Variants in DOCK2 observed in about 807,000 individuals in gnomAD.
DOCK2 encodes the protein dedicator of cytokinesis 2.
A neutral mutation model predicts 248.9 loss-of-function variants in DOCK2; 87 were observed. The ratio of observed to expected loss-of-function variants is 0.35; its 90% confidence interval spans 0.29 to 0.42. DOCK2 has a LOEUF of 0.42. Among genes scored for constraint, DOCK2 ranks in the 10% least tolerant of loss-of-function variants. The pLI, the probability that DOCK2 is intolerant of heterozygous loss-of-function variation, is 1.00. For synonymous variants in DOCK2, 805 were observed against 821.6 expected, an observed-to-expected ratio of 0.98 and a Z score of 0.35; for missense variants, 1,747 against 2,300.2, an observed-to-expected ratio of 0.76 and a Z score of 4.92.
At chr5:170,075,868 C>A in intron 46 of DOCK2, 79 bp from the exon 47 acceptor site, 1 of 1,571,736 alleles carries the variant, frequency 6.4e-7, no homozygotes, top group Non-Finnish European at 8.7e-7. Flanking sequence ...GACTTGACTG[C>A]AGCTGCCTTG....
At chr5:169,980,813 G>C (rs1322192010) in intron 27 of DOCK2, 1 of 152,250 alleles carries the variant, frequency 6.6e-6, no homozygotes, top group Non-Finnish European at 1.5e-5. Context: ...GGGGGCCTGA[G>C]CAGGAAAAAG....
At chr5:170,045,334 T>C (rs1756666423) in intron 38 of DOCK2, among the ~76,000 whole-genome samples, 1 of 152,044 alleles carries the variant, frequency 6.6e-6, no homozygotes. Context: ...GGCCAACACC[T>C]CCCTGAGGAG....
rs186302995 is a variant in DOCK2 at position 169,780,120 on chromosome 5, G to A, written c.2554+18495G>A. Reference sequence around the variant, plus strand: ...TTTGGCCTTGATCCTTTTGGATCTAGCAACCCTGGCATTGCTGTGCTAAGA... The same window carrying A: ...TTTGGCCTTGATCCTTTTGGATCTAACAACCCTGGCATTGCTGTGCTAAGA... On this transcript the variant is annotated intron_variant, in intron 25 of 51. Coordinates refer to ENST00000520908, the MANE Select transcript of DOCK2 (RefSeq NM_004946.3). 3.1e-3 allele frequency among the ~76,000 whole-genome samples: 464 copies of A among 152,126 alleles called. 2 individuals are homozygous for A. Among genetic ancestry groups the A allele is most frequent in the Non-Finnish European group, 5.1e-3 (349 of 68,028 alleles).
At chr5:169,980,110 A>G (rs1777887390) in intron 27 of DOCK2, among the ~76,000 whole-genome samples, 1 of 152,170 alleles carries the variant, frequency 6.6e-6, no homozygotes, top group East Asian at 1.9e-4. Context: ...CAGTTCTGAC[A>G]ATGGTGGATT....
At chr5:169,767,721 A>G (rs1191533385) in intron 25 of DOCK2, among the ~76,000 whole-genome samples, 1 of 152,240 alleles carries the variant, frequency 6.6e-6, no homozygotes, top group African/African-American at 2.4e-5. Context: ...AGTACTAACC[A>G]TAACAATAGT....
At chr5:169,963,861 A>AC (rs1432061321) in intron 27 of DOCK2, among the ~76,000 whole-genome samples, 9 of 152,022 alleles carry the variant, frequency 5.9e-5, no homozygotes, top group African/African-American at 2.2e-4. Context: ...CGCTGGGCCT[A>AC]CCCCTAGATG....
chr5:169,792,134 G>T (rs932698554), intron 25 of DOCK2, among the ~76,000 whole-genome samples: 1 of 152,172 alleles, frequency 6.6e-6, no homozygotes, highest in African/African-American at 2.4e-5. Flanking sequence ...GTGGGTCAGG[G>T]ATGATAGCCC....
In DOCK2 at chr5:169,840,813, C is replaced by T. The variant is rs766269213; in HGVS notation, c.2760C>T (p.Asn920=). The T allele has an allele frequency of 1.2e-6, 2 of 1,613,868 alleles. No individual in the cohort carries two copies. The highest frequency in any genetic ancestry group is 1.3e-5 in the African/African-American group (1 of 74,916). ...EIMVQLLRTV[N]RTVITMGRDH... is the part of the protein sequence containing the mutation. ...TGGTCCAGCTGCTGCGGACAGTGAA[C>T]CGGACAGTCATCACCATGGGCCGGG... The change falls in exon 27 of 52, where the codon AAC becomes AAT. Residue 920 remains asparagine (N), a synonymous_variant. Transcript: ENST00000520908.
intron 27 of DOCK2, among the ~76,000 whole-genome samples, chr5:169,904,113 GT>G (rs1774133485): frequency 1.8e-5 from 2 of 112,016 alleles, no homozygotes; most frequent in African/African-American, 8.2e-5. Flanking sequence ...AAAAAAAAAA[GT>G]TTAGGGGAGG....
chr5:169,895,230 A>G (rs1373413330), intron 27 of DOCK2, among the ~76,000 whole-genome samples: 3 of 152,194 alleles, frequency 2.0e-5, no homozygotes, highest in Non-Finnish European at 2.9e-5. Flanking sequence ...ATCCAGAAGT[A>G]TAAAAGCTCA....
In DOCK2 at chr5:169,739,313, A is replaced by T. The variant is rs1013368488; in HGVS notation, c.2268-8083A>T. Reference sequence around the variant, plus strand: ...CAGCATCTTGATTCTGTAATTGTAGAGGGAAAATGGCCTCTAGTTGTATGT... The same window carrying T: ...CAGCATCTTGATTCTGTAATTGTAGTGGGAAAATGGCCTCTAGTTGTATGT... On this transcript the variant is annotated intron_variant, in intron 22 of 51. Transcript: ENST00000520908. Among the ~76,000 whole-genome samples the T allele has an allele frequency of 3.9e-5, 6 of 152,210 alleles. No individual in the cohort carries two copies. In the South Asian group the frequency reaches 1.2e-3, roughly 32 times the overall value.
intron 27 of DOCK2, among the ~76,000 whole-genome samples, chr5:169,897,784 T>C (rs1417529220): frequency 6.6e-6 from 1 of 152,202 alleles, no homozygotes; most frequent in Non-Finnish European, 1.5e-5. Flanking sequence ...CTCACTGCAT[T>C]CTTAGAGAGC....
chr5:170,029,656 G>A (rs1001799990), intron 34 of DOCK2, among the ~76,000 whole-genome samples: 2 of 152,236 alleles, frequency 1.3e-5, no homozygotes, highest in Non-Finnish European at 2.9e-5. Context: ...CTTCTCCCGC[G>A]AGGCCTTCTC....
At chr5:169,867,685 C>T (rs1241267138) in intron 27 of DOCK2, among the ~76,000 whole-genome samples, 4 of 151,910 alleles carry the variant, frequency 2.6e-5, no homozygotes, top group Admixed American at 1.3e-4. Context: ...CTATTGATCC[C>T]CCCACACACA....
At chr5:170,079,958 C>T (rs970149036) in intron 49 of DOCK2, 25 of 670,438 alleles carry the variant, frequency 3.7e-5, no homozygotes, top group South Asian at 5.5e-5. Context: ...CCGCCACCCC[C>T]GCCTGTAGTT....
intron 8 of DOCK2, among the ~76,000 whole-genome samples, chr5:169,687,394 C>A (rs1760044865): frequency 6.6e-6 from 1 of 152,038 alleles, no homozygotes; most frequent in African/African-American, 2.4e-5. Context: ...GGCCCCATTG[C>A]CTGCTTGAAC....
chr5:169,778,110 C>T (rs1765484464), intron 25 of DOCK2, among the ~76,000 whole-genome samples: 1 of 152,194 alleles, frequency 6.6e-6, no homozygotes, highest in Non-Finnish European at 1.5e-5. Flanking sequence ...CACAAGTGCT[C>T]CTGGATGGTG....
chr5:169,799,724 C>G (rs1468207047), intron 25 of DOCK2, among the ~76,000 whole-genome samples: 1 of 152,112 alleles, frequency 6.6e-6, no homozygotes, highest in African/African-American at 2.4e-5. Context: ...GATATATTTT[C>G]TCCAACTTTC....
chr5:169,689,207 G>A (rs1760154013), intron 8 of DOCK2, 45 bp from the exon 9 acceptor site: 1 of 1,591,860 alleles, frequency 6.3e-7, no homozygotes, highest in East Asian at 2.2e-5. Context: ...CTAAATGGAT[G>A]TCAGGTCCCT....
Sources: gnomAD v4.1 joint callset for allele counts (sites outside exome capture counted in the v4.1 genomes callset) on GRCh38, gnomAD v4.1.1 for gene constraint, MANE v1.5 for transcripts, NCBI Gene and HGNC (gene_info 2026-07-23, HGNC 2026-07-21) for gene names.